The following INPP4B variants were observed in gnomAD, a reference collection of about 807,000 sequenced individuals.
INPP4B encodes the protein inositol polyphosphate-4-phosphatase type II B, also known as inositol polyphosphate 4-phosphatase type II.
Under a neutral mutation model 122.5 loss-of-function variants are expected in INPP4B, and 55 were observed. That is an observed-to-expected ratio of 0.45 (90% CI 0.36 to 0.56). INPP4B has a LOEUF of 0.56. INPP4B is among the 20% of genes least tolerant of loss of function. INPP4B has a pLI of 0.00. For missense variants in INPP4B, 1,000 were observed against 1,097.7 expected (o/e 0.91, Z 1.26); for synonymous variants, 403 against 388.7 (o/e 1.04, Z -0.43).
chr4:142,184,562 T>C (rs757242575), intron 15 of INPP4B, among the ~76,000 whole-genome samples: 4 of 152,220 alleles, frequency 2.6e-5, no homozygotes, highest in Non-Finnish European at 4.4e-5. Flanking sequence ...TTGATGTTAC[T>C]CATTCATTCC....
intron 8 of INPP4B, among the ~76,000 whole-genome samples, chr4:142,312,775 A>G (rs1016022892): frequency 1.3e-5 from 2 of 152,190 alleles, no homozygotes; most frequent in African/African-American, 4.8e-5. Flanking sequence ...ATGGTAGGCA[A>G]TTATGCTATG....
In INPP4B at chr4:142,512,316, A is replaced by G. The variant is rs146753782; in HGVS notation, c.-190-49590T>C. ...AAAATCACAGTTCCTACCCTCATCAACTTACAGTCCAGCTAGCTGATTTTG... is the reference window on the plus strand; with the variant it reads ...AAAATCACAGTTCCTACCCTCATCAGCTTACAGTCCAGCTAGCTGATTTTG... On this transcript the variant is annotated intron_variant, in intron 2 of 25. Transcript: ENST00000262992. 3.9e-3 allele frequency among the ~76,000 whole-genome samples: 587 copies of G among 152,266 alleles called. 4 individuals carry two copies. The highest frequency in any genetic ancestry group is 0.013 in the African/African-American group (545 of 41,558).
At chr4:142,189,618 A>G (rs2149316174) in intron 15 of INPP4B, among the ~76,000 whole-genome samples, 1 of 152,178 alleles carries the variant, frequency 6.6e-6, no homozygotes, top group East Asian at 1.9e-4. Context: ...TTTGAATAGG[A>G]TTATGTAAAT....
intron 12 of INPP4B, among the ~76,000 whole-genome samples, chr4:142,230,330 T>C (rs949402478): frequency 1.3e-5 from 2 of 152,014 alleles, no homozygotes; most frequent in South Asian, 2.1e-4. Context: ...GCGAGGCTCA[T>C]GAAGATGACA....
At chr4:142,297,566 A>G (rs1272701789) in intron 9 of INPP4B, among the ~76,000 whole-genome samples, 1 of 152,144 alleles carries the variant, frequency 6.6e-6, no homozygotes, top group Admixed American at 6.5e-5. Flanking sequence ...GCCATGTGAG[A>G]CCACTGTTCC....
intron 23 of INPP4B, among the ~76,000 whole-genome samples, chr4:142,090,860 A>T (rs1779207269): frequency 6.6e-6 from 1 of 152,228 alleles, no homozygotes; most frequent in South Asian, 2.1e-4. Flanking sequence ...AAGTAATATA[A>T]GTAAAAAGGA....
intron 14 of INPP4B, among the ~76,000 whole-genome samples, chr4:142,201,585 T>C (rs1326958531): frequency 6.6e-6 from 1 of 151,988 alleles, no homozygotes; most frequent in Non-Finnish European, 1.5e-5. Context: ...CTTCAGCTGA[T>C]GAAGAATGGT....
intron 1 of INPP4B, among the ~76,000 whole-genome samples, chr4:142,732,638 A>G (rs1467517937): frequency 6.6e-6 from 1 of 152,112 alleles, no homozygotes; most frequent in African/African-American, 2.4e-5. Flanking sequence ...GATGTTCGTG[A>G]TATCTACACC....
chr4:142,454,235 T>G (rs1814917179), intron 3 of INPP4B, among the ~76,000 whole-genome samples: 1 of 152,120 alleles, frequency 6.6e-6, no homozygotes, highest in Non-Finnish European at 1.5e-5. Context: ...CATATGAATT[T>G]ATTGAGCACC....
rs139937561 is a variant in INPP4B at position 142,580,161 on chromosome 4, G to A, written c.-190-117435C>T. On this transcript the variant is annotated intron_variant, in intron 2 of 25. Transcript: ENST00000262992. ...TTACCCAGGAGAGCATTGTGGTTAA[G>A]AAAGTAGGCCCCAGGACTAGAAGAC... 5.5e-3 allele frequency among the ~76,000 whole-genome samples: 829 copies of A among 151,684 alleles called. 7 individuals are homozygous for A. Among genetic ancestry groups the A allele is most frequent in the African/African-American group, 0.017 (722 of 41,348 alleles).
chr4:142,229,133 T>C (rs1852981410), intron 12 of INPP4B, among the ~76,000 whole-genome samples: 1 of 151,010 alleles, frequency 6.6e-6, no homozygotes, highest in Non-Finnish European at 1.5e-5. Flanking sequence ...GTTTTCTACA[T>C]TTAATTTATT....
intron 11 of INPP4B, among the ~76,000 whole-genome samples, chr4:142,256,631 T>C (rs1736253993): frequency 6.6e-6 from 1 of 152,252 alleles, no homozygotes; most frequent in African/African-American, 2.4e-5. Flanking sequence ...GCTCAACACA[T>C]ACACTCTCCC....
At chr4:142,074,814 A>G (rs1216444312) in intron 25 of INPP4B, among the ~76,000 whole-genome samples, 4 of 151,684 alleles carry the variant, frequency 2.6e-5, no homozygotes, top group Admixed American at 2.6e-4. Context: ...CGTAAGCAAA[A>G]TCACTTGACA....
intron 2 of INPP4B, among the ~76,000 whole-genome samples, chr4:142,666,188 T>C (rs752644395): frequency 9.2e-5 from 14 of 152,148 alleles, no homozygotes; most frequent in Non-Finnish European, 1.9e-4. Context: ...AATCAAAATA[T>C]TAAGAACTAG....
At chr4:142,365,150 T>A (rs1286485275) in intron 7 of INPP4B, among the ~76,000 whole-genome samples, 3 of 152,064 alleles carry the variant, frequency 2.0e-5, no homozygotes, top group Non-Finnish European at 4.4e-5. Flanking sequence ...ATTTGAGTAA[T>A]GAAAAATGCC....
chr4:142,717,141 A>C lies in INPP4B; in HGVS notation c.-191+8698T>G, dbSNP rs183188136. Among the ~76,000 whole-genome samples, 478 of 152,310 alleles carry C rather than the reference A, an allele frequency of 3.1e-3. 6 individuals carry two copies. The highest frequency in any genetic ancestry group is 0.011 in the African/African-American group (466 of 41,566). On this transcript the variant is annotated intron_variant, in intron 2 of 25. Transcript: ENST00000262992. ...AAATGTATAGATTACCAAATGTAAA[A>C]GTACTGATAGAGTGGGCAGGTAGAC... is the stretch of plus-strand genomic sequence containing the variant.
At chr4:142,517,202 A>C (rs1825522302) in intron 2 of INPP4B, among the ~76,000 whole-genome samples, 1 of 152,042 alleles carries the variant, frequency 6.6e-6, no homozygotes. Flanking sequence ...TGTGAAAATT[A>C]TTCTTCAAAT....
chr4:142,295,535 G>C (rs1758318752), intron 9 of INPP4B, among the ~76,000 whole-genome samples: 1 of 152,120 alleles, frequency 6.6e-6, no homozygotes, highest in African/African-American at 2.4e-5. Flanking sequence ...TTCTAAATCA[G>C]CATTTTCTGA....
intron 7 of INPP4B, among the ~76,000 whole-genome samples, chr4:142,359,378 ATGT>A (rs1346999284): frequency 6.6e-6 from 1 of 151,948 alleles, no homozygotes; most frequent in African/African-American, 2.4e-5. Context: ...ACCTACCCTC[ATGT>A]TGTTGTCACA....
Sources: allele counts gnomAD v4.1 joint callset (sites outside exome capture counted in the v4.1 genomes callset), GRCh38; gene constraint gnomAD v4.1.1; transcripts MANE v1.5; gene names NCBI Gene and HGNC (gene_info 2026-07-23, HGNC 2026-07-21).